The following BEST4 variants were observed in gnomAD, a reference collection of about 807,000 sequenced individuals.
BEST4 encodes the protein bestrophin 4.
A neutral mutation model predicts 47.1 loss-of-function variants in BEST4; 36 were observed. The ratio of observed to expected loss-of-function variants is 0.76; its 90% CI spans 0.59 to 1.01. The LOEUF is 1.01. Ranked by LOEUF, BEST4 falls within the 50% of genes least tolerant of loss-of-function variation. The probability of loss-of-function intolerance (pLI) is 0.00; values close to 1 mark genes in which losing one functional copy is unlikely to be tolerated. For synonymous variants in BEST4, 250 were observed against 277.8 expected, an observed-to-expected ratio of 0.90 and a Z score of 1.00; for missense variants, 550 against 648.6, an observed-to-expected ratio of 0.85 and a Z score of 1.65.
At chr1:44,787,341 G>T (rs771948591) in intron 2 of BEST4, 31 bp downstream of exon 2, 5 of 1,608,290 alleles carry the variant, frequency 3.1e-6, no homozygotes, top group African/African-American at 2.7e-5. Flanking sequence ...ACAGTAAGGG[G>T]GACACAGGGA....
rs1192101904 is a variant in BEST4 at position 44,784,562 on chromosome 1, G to A, written c.1148+67C>T. Reference sequence around the variant, plus strand: ...GGATCGGCTCTCGGGGAAGGACCGAGGCATCGGTGCCCCAGAGGCTGAGCG... The same window carrying A: ...GGATCGGCTCTCGGGGAAGGACCGAAGCATCGGTGCCCCAGAGGCTGAGCG... On this transcript the variant is annotated intron_variant, in intron 8 of 8. Coordinates refer to ENST00000372207, the MANE Select transcript of BEST4 (RefSeq NM_153274.3). The surrounding 1 kb of genome is among the most constrained non-coding windows in gnomAD (Gnocchi z 6.2). The A allele has an allele frequency of 1.6e-5, 25 of 1,547,804 alleles. No homozygotes were observed. Among genetic ancestry groups the A allele is most frequent in the Non-Finnish European group, 2.2e-5 (25 of 1,148,216 alleles).
chr1:44,784,187 AC>A lies in BEST4; in HGVS notation c.*22del. The stretch of plus-strand genomic sequence containing the variant: ...GGAAGGAGGGCAGTGGGTGGGGGAA[AC>A]CGGGCGGGGGCAGGCGAGACCTCAG... On this transcript the variant is annotated 3_prime_UTR_variant, in exon 9 of 9. Coordinates refer to ENST00000372207, the MANE Select transcript of BEST4 (RefSeq NM_153274.3). The surrounding 1 kb of genome is among the most constrained non-coding windows in gnomAD (Gnocchi z 6.2). 1.4e-6 allele frequency: 2 copies of A among 1,381,244 alleles called. No homozygotes were observed. Among genetic ancestry groups the A allele is most frequent in the Non-Finnish European group, 1.9e-6 (2 of 1,076,300 alleles). 85.6% of individuals were successfully genotyped at this position (1,381,244 alleles called of 1,614,324 possible).
Position 44,786,150 on chromosome 1 carries a change from C to T in BEST4, c.560G>A (p.Trp187Ter). ...DFNKYWVPCV[W>*]FTNLAAQARR... ...GGCCTGGGCCGCCAGGTTGGTGAAC[C>T]AGACGCAGGGGACCCAGTACTTGTT... Residue 187 changes from tryptophan (W) to a stop codon, truncating the protein, a stop_gained, in exon 4 of 9, where the codon TGG becomes TAG. Coordinates refer to ENST00000372207, the MANE Select transcript of BEST4 (RefSeq NM_153274.3). LOFTEE classifies it high-confidence loss of function. This position sits in a 1 kb window ranked among gnomAD's most constrained non-coding sequence, Gnocchi z 4.9. 2 of 1,614,134 alleles carry T rather than the reference C, an allele frequency of 1.2e-6. No individual in the cohort carries two copies. Among genetic ancestry groups the T allele is most frequent in the South Asian group, 1.1e-5 (1 of 91,078 alleles).
chr1:44,784,420 C>T lies in BEST4; in HGVS notation c.1212G>A (p.Ala404=). The change falls in exon 9 of 9, where the codon GCG becomes GCA. Residue 404 remains alanine, a synonymous_variant. Transcript: ENST00000372207. This position sits in a 1 kb window ranked among gnomAD's most constrained non-coding sequence, Gnocchi z 6.2. ...CGAGCAACGGGGTCTGCGCGGCGGG[C>T]GCGGGCCGACCAGATCCGGGGGACG... The part of the protein sequence containing the change: ...VEASPGSGRP[A]PAAQTPLLGR... The T allele has an allele frequency of 4.4e-6, 6 of 1,375,618 alleles. No homozygotes were observed. Among genetic ancestry groups the T allele is most frequent in the Non-Finnish European group, 5.6e-6 (6 of 1,069,512 alleles). The allele number at this position is 1,375,618 out of a possible 1,614,324, so 85.2% of individuals were successfully genotyped here.
At chr1:44,791,750 C>A (rs1013971016), upstream of BEST4, among the ~76,000 whole-genome samples, 1 of 152,054 alleles carries the variant, frequency 6.6e-6, no homozygotes, top group Non-Finnish European at 1.5e-5. Flanking sequence ...TTTCCTTATC[C>A]TCCAGCTCTC....
At position 44,787,653 on chromosome 1, in the gene BEST4, G is replaced by C. The variant is rs1651295840; in HGVS notation, c.53C>G (p.Ser18Cys). The change falls in exon 1 of 9, where the codon TCT becomes TGT. Residue 18 changes from serine to cysteine, a missense_variant. Ser to Cys is a moderately radical substitution (Grantham distance 112). This residue lies in a region of BEST4 where 291 missense variants were observed against 342.4 expected (regional missense o/e 0.85). Coordinates refer to ENST00000372207, the MANE Select transcript of BEST4 (RefSeq NM_153274.3). ...KVAEARFGGFSGLLLRWRGSI... is the reference protein window; with the variant it reads ...KVAEARFGGFCGLLLRWRGSI... ...TCCCCTCCAGCGGAGAAGCAGGCCAGAGAAACCTCCGAAGCGGGCCTCCGC... is the reference window on the plus strand; with the variant it reads ...TCCCCTCCAGCGGAGAAGCAGGCCACAGAAACCTCCGAAGCGGGCCTCCGC... 1.9e-6 allele frequency: 3 copies of C among 1,614,124 alleles called. No homozygotes were observed. The highest frequency in any genetic ancestry group is 8.5e-7 in the Non-Finnish European group (1 of 1,180,046).
At position 44,787,465 on chromosome 1, in the gene BEST4, G is replaced by A. The variant is rs771862311; in HGVS notation, c.154C>T (p.Leu52=). ...LYAVLSITYR[L]LLTQEQRYVY... ...TACCTCTGCTCCTGGGTCAGCAGCAGCCTGGGGAAGGCAGGTGTAGGCTTG... is the reference window on the plus strand; with the variant it reads ...TACCTCTGCTCCTGGGTCAGCAGCAACCTGGGGAAGGCAGGTGTAGGCTTG... Residue 52 remains leucine, a splice_region_variant and synonymous_variant, in exon 2 of 9, where the codon CTG becomes TTG. Coordinates refer to ENST00000372207, the MANE Select transcript of BEST4 (RefSeq NM_153274.3). 6.2e-7 allele frequency: 1 copy of A among 1,614,204 alleles called. No individual in the cohort carries two copies. The highest frequency in any genetic ancestry group is 1.1e-5 in the South Asian group (1 of 91,086).
rs746696255 is a variant in BEST4 at position 44,786,238 on chromosome 1, TA to T, written c.482-11del. 15 of 1,608,556 alleles carry T rather than the reference TA, an allele frequency of 9.3e-6. No individual in the cohort carries two copies. The highest frequency in any genetic ancestry group is 1.2e-5 in the Non-Finnish European group (14 of 1,177,312). On this transcript the variant is annotated splice_polypyrimidine_tract_variant and intron_variant, in intron 3 of 8. Coordinates refer to ENST00000372207, the MANE Select transcript of BEST4 (RefSeq NM_153274.3). This position sits in a 1 kb window ranked among gnomAD's most constrained non-coding sequence, Gnocchi z 4.9. ...TCCTGGGACATGAAACCTGAGGGGG[TA>T]AAGCAGGTGGGGTGCAGTTGCACCC...
intron 4 of BEST4, among the ~76,000 whole-genome samples, 157 bp from the exon 5 acceptor site, chr1:44,785,833 C>T (rs1256219506): frequency 1.3e-5 from 2 of 152,166 alleles, no homozygotes; most frequent in Non-Finnish European, 2.9e-5. Flanking sequence ...TGCTAACTAG[C>T]TGTGTAACTT....
At position 44,786,881 on chromosome 1, in the gene BEST4, C is replaced by G. The variant is rs1273795644; in HGVS notation, c.248-185G>C. Among the ~76,000 whole-genome samples, 2 of 152,182 alleles carry G rather than the reference C, an allele frequency of 1.3e-5. No homozygotes were observed. Among genetic ancestry groups the G allele is most frequent in the African/African-American group, 4.8e-5 (2 of 41,440 alleles). ...AGGAGGGAGGAGGGCAAACTTCCTT[C>G]AGCAGAGGGAAAGTGGGGATTCAAA... On this transcript the variant is annotated intron_variant, in intron 2 of 8. Coordinates refer to ENST00000372207, the MANE Select transcript of BEST4 (RefSeq NM_153274.3). This position sits in a 1 kb window ranked among gnomAD's most constrained non-coding sequence, Gnocchi z 4.9.
upstream of BEST4, among the ~76,000 whole-genome samples, chr1:44,789,819 G>C (rs1425249708): frequency 6.6e-6 from 1 of 152,218 alleles, no homozygotes; most frequent in Non-Finnish European, 1.5e-5. Flanking sequence ...AATCCCAAGA[G>C]TGGTGGTCCT....
Position 44,787,483 on chromosome 1 carries a change from T to C in BEST4, c.153-17A>G. ...AGCAGCAGCCTGGGGAAGGCAGGTG[T>C]AGGCTTGGGTTAGAGGGAGGTGGGT... On this transcript the variant is annotated splice_polypyrimidine_tract_variant and intron_variant, in intron 1 of 8. Coordinates refer to ENST00000372207, the MANE Select transcript of BEST4 (RefSeq NM_153274.3). 3 of 1,614,098 alleles carry C rather than the reference T, an allele frequency of 1.9e-6. No homozygotes were observed. The highest frequency in any genetic ancestry group is 2.5e-6 in the Non-Finnish European group (3 of 1,180,004).
chr1:44,784,975 T>C lies in BEST4; in HGVS notation c.923A>G (p.Gln308Arg). The stretch of plus-strand genomic sequence containing the variant: ...ATCCTCACCAAATGGGTTGATGATC[T>C]GTTCAGCCACCTATAGGTGGCAGAG... ...FYAGWLKVAE[Q>R]IINPFGEDDD... The change falls in exon 7 of 9, where the codon CAG (glutamine) becomes CGG (arginine). Residue 308 changes from glutamine to arginine, a missense_variant. This residue lies in a region of BEST4 where 255 missense variants were observed against 286.6 expected (regional missense o/e 0.89). Coordinates refer to ENST00000372207, the MANE Select transcript of BEST4 (RefSeq NM_153274.3). The surrounding 1 kb of genome is among the most constrained non-coding windows in gnomAD (Gnocchi z 6.2). The C allele has an allele frequency of 6.2e-7, 1 of 1,614,134 alleles. No individual in the cohort carries two copies. The highest frequency in any genetic ancestry group is 8.5e-7 in the Non-Finnish European group (1 of 1,180,006).
chr1:44,785,403 C>G lies in BEST4; in HGVS notation c.715-98G>C, dbSNP rs1332241809. On this transcript the variant is annotated intron_variant, in intron 5 of 8. Transcript: ENST00000372207. ...ATCTATGGGAAGTCTGACAAGTAAT[C>G]AAACATGTATCCTGGTGTGGCAGTA... 5 of 1,344,314 alleles carry G rather than the reference C, an allele frequency of 3.7e-6. No homozygotes were observed. In the Admixed American group the frequency reaches 1.0e-4, roughly 28 times the overall value. The allele number at this position is 1,344,314 out of a possible 1,614,324, so 83.3% of individuals were successfully genotyped here.
Position 44,786,563 on chromosome 1 carries a change from G to A in BEST4, c.381C>T (p.Thr127=). The change falls in exon 3 of 9, where the codon ACC becomes ACT. Residue 127 remains threonine (T), a synonymous_variant. Coordinates refer to ENST00000372207, the MANE Select transcript of BEST4 (RefSeq NM_153274.3). The surrounding 1 kb of genome is among the most constrained non-coding windows in gnomAD (Gnocchi z 4.9). ...VDQRGRLLRR[T]LIRYANLASV... is the part of the protein sequence containing the mutation. Reference sequence around the variant, plus strand: ...ACGCCAGGTTCGCGTAGCGGATGAGGGTGCGGCGCAGCAGGCGGCCCCGCT... The same window carrying A: ...ACGCCAGGTTCGCGTAGCGGATGAGAGTGCGGCGCAGCAGGCGGCCCCGCT... The A allele has an allele frequency of 6.4e-7, 1 of 1,550,478 alleles. No homozygotes were observed. Among genetic ancestry groups the A allele is most frequent in the Non-Finnish European group, 8.7e-7 (1 of 1,147,260 alleles).
downstream of BEST4, among the ~76,000 whole-genome samples, chr1:44,782,665 TA>T (rs200611158): frequency 2.2e-5 from 3 of 135,308 alleles, no homozygotes; most frequent in Admixed American, 7.7e-5. Context: ...AATAAATAAA[TA>T]AATAAGAAAT....
rs766811788 is a variant in BEST4 at position 44,786,585 on chromosome 1, C to A, written c.359G>T (p.Arg120Leu). The stretch of plus-strand genomic sequence containing the variant: ...GAGGGTGCGGCGCAGCAGGCGGCCC[C>A]GCTGGTCCACGCCGTGCACGCTAGC... Reference protein sequence around the residue: ...ISASVHGVDQRGRLLRRTLIR... With the variant: ...ISASVHGVDQLGRLLRRTLIR... Residue 120 changes from arginine (R) to leucine (L), a missense_variant, in exon 3 of 9, where the codon CGG (arginine) becomes CTG (leucine). Arg to Leu is a moderately radical substitution (Grantham distance 102). This residue lies in a region of BEST4 where 291 missense variants were observed against 342.4 expected (regional missense o/e 0.85). Coordinates refer to ENST00000372207, the MANE Select transcript of BEST4 (RefSeq NM_153274.3). The surrounding 1 kb of genome is among the most constrained non-coding windows in gnomAD (Gnocchi z 4.9). 1.9e-6 allele frequency: 3 copies of A among 1,550,534 alleles called. No homozygotes were observed. In the South Asian group the frequency reaches 3.6e-5, roughly 18 times the overall value.
In BEST4 at chr1:44,786,479, C is replaced by A. The variant is rs769966232; in HGVS notation, c.465G>T (p.Glu155Asp). The A allele has an allele frequency of 1.3e-6, 2 of 1,531,184 alleles. No homozygotes were observed. The highest frequency in any genetic ancestry group is 8.8e-7 in the Non-Finnish European group (1 of 1,137,102). 94.8% of individuals were successfully genotyped at this position (1,531,184 alleles called of 1,614,324 possible). Reference sequence around the variant, plus strand: ...GCGGCGCACCTGCGTCCACCACGTGCTCCATGGTGGGGAAGCGCTTAAGCA... The same window carrying A: ...GCGGCGCACCTGCGTCCACCACGTGATCCATGGTGGGGAAGCGCTTAAGCA... ...TRVLKRFPTM[E>D]HVVDAGFMSQ... The change falls in exon 3 of 9, where the codon GAG becomes GAT. Residue 155 changes from glutamate (E) to aspartate (D), a missense_variant. This residue lies in a region of BEST4 where 291 missense variants were observed against 342.4 expected (regional missense o/e 0.85). Transcript: ENST00000372207. The surrounding 1 kb of genome is among the most constrained non-coding windows in gnomAD (Gnocchi z 4.9).
In BEST4 at chr1:44,784,502, G is replaced by T; in HGVS notation, c.1149-19C>A. On this transcript the variant is annotated intron_variant, in intron 8 of 8. Transcript: ENST00000372207. This position sits in a 1 kb window ranked among gnomAD's most constrained non-coding sequence, Gnocchi z 6.2. ...GCTCATGCTGCGGGCGGGAGGGCGG[G>T]CTGAGCCGGGGCACAGGGCGGGAGC... 1 of 399,792 alleles carries T rather than the reference G, an allele frequency of 2.5e-6. No homozygotes were observed. The highest frequency in any genetic ancestry group is 4.8e-6 in the Non-Finnish European group (1 of 210,196). 24.8% of individuals were successfully genotyped at this position (399,792 alleles called of 1,614,324 possible).
Sources: allele counts gnomAD v4.1 joint callset (sites outside exome capture counted in the v4.1 genomes callset), GRCh38; gene constraint gnomAD v4.1.1; regional missense constraint gnomAD v4.1.1; non-coding constraint Gnocchi (gnomAD v3.1); transcripts MANE v1.5; gene names NCBI Gene and HGNC (gene_info 2026-07-23, HGNC 2026-07-21).